EDEM1: variants seen among roughly 807,000 people sequenced by gnomAD.
EDEM1 encodes the protein ER degradation-enhancing alpha-mannosidase-like protein 1.
EDEM1 carries 67 observed loss-of-function variants against 74.4 expected under a neutral mutation model. The observed-to-expected ratio is 0.90, with a 90% CI of 0.74 to 1.10. The LOEUF is 1.10. Ranked by LOEUF, EDEM1 falls within the 50% of genes least tolerant of loss-of-function variation. The pLI, the probability that EDEM1 is intolerant of heterozygous loss-of-function variation, is 0.00. For missense variants in EDEM1, 926 were observed against 851.6 expected, an observed-to-expected ratio of 1.09 and a Z score of -1.09; for synonymous variants, 382 against 335.9, an observed-to-expected ratio of 1.14 and a Z score of -1.50.
rs569030266 is a variant in EDEM1, at chr3:5,217,774, C to G, written c.*1856C>G. Reference sequence around the variant, plus strand: ...TATATATATATTTTAAATGTTTTCACTGACTCATTGAAAATGTTAATTACA... The same window carrying G: ...TATATATATATTTTAAATGTTTTCAGTGACTCATTGAAAATGTTAATTACA... On this transcript the variant is annotated 3_prime_UTR_variant, in exon 12 of 12. Coordinates refer to ENST00000256497, the MANE Select transcript of EDEM1 (RefSeq NM_014674.3). The G allele has an allele frequency of 4.6e-5, 7 of 152,190 alleles. No homozygotes were observed. The East Asian group carries it at 1.4e-3, about 29-fold the overall frequency. 9.4% of individuals were successfully genotyped at this position (152,190 alleles called of 1,614,324 possible).
chr3:5,203,371 G>A (rs1291682760), intron 5 of EDEM1, among the ~76,000 whole-genome samples: 1 of 152,152 alleles, frequency 6.6e-6, no homozygotes, highest in Non-Finnish European at 1.5e-5. Flanking sequence ...CTTCTGATTC[G>A]GATCCCCTGG....
chr3:5,190,814 C>G (rs1187612851), intron 1 of EDEM1, among the ~76,000 whole-genome samples: 1 of 152,146 alleles, frequency 6.6e-6, no homozygotes, highest in Non-Finnish European at 1.5e-5. Context: ...CAGTGGAAAA[C>G]TTAATTTTTT....
chr3:5,207,790 G>C (rs1197103452), intron 7 of EDEM1, among the ~76,000 whole-genome samples: 2 of 152,230 alleles, frequency 1.3e-5, no homozygotes, highest in African/African-American at 4.8e-5. Context: ...TTACTGGCAT[G>C]AGGCACTGTG....
At chr3:5,213,901 A>G (rs1575593035) in intron 11 of EDEM1, among the ~76,000 whole-genome samples, 1 of 152,186 alleles carries the variant, frequency 6.6e-6, no homozygotes, top group East Asian at 1.9e-4. Context: ...CTGCTGGAGC[A>G]TCTTCTTGGC....
rs752072211 is a variant in EDEM1, at chr3:5,199,620, A to C, written c.611A>C (p.Lys204Thr). The C allele has an allele frequency of 6.8e-6, 11 of 1,613,502 alleles. No homozygotes were observed. In the African/African-American group the frequency reaches 1.2e-4, roughly 18 times the overall value. Reference sequence around the variant, plus strand: ...ATGGGAAATTCATCCGAGTTCCAGAAAGCCGTCAAGTTAGTGATCAACACA... The same window carrying C: ...ATGGGAAATTCATCCGAGTTCCAGACAGCCGTCAAGTTAGTGATCAACACA... ...AIMGNSSEFQ[K>T]AVKLVINTVS... Residue 204 changes from lysine to threonine, a missense_variant, in exon 3 of 12, where the codon AAA becomes ACA. Transcript: ENST00000256497.
rs143490556 is a variant in EDEM1 at position 5,191,725 on chromosome 3, G to T, written c.509+3411G>T. ...GTACATGTGACTTGTTCTTGGGGAGGTATCAGGTAAGGAGTTAACATGAAG... is the reference window on the plus strand; with the variant it reads ...GTACATGTGACTTGTTCTTGGGGAGTTATCAGGTAAGGAGTTAACATGAAG... On this transcript the variant is annotated intron_variant, in intron 1 of 11. Coordinates refer to ENST00000256497, the MANE Select transcript of EDEM1 (RefSeq NM_014674.3). 1.4e-3 allele frequency among the ~76,000 whole-genome samples: 208 copies of T among 152,250 alleles called. 1 individual carries two copies. Among genetic ancestry groups the T allele is most frequent in the African/African-American group, 4.9e-3 (203 of 41,526 alleles).
In EDEM1 at chr3:5,188,188, C is replaced by A; in HGVS notation, c.383C>A (p.Ala128Asp). Residue 128 changes from alanine (A) to aspartate (D), a missense_variant, in exon 1 of 12, where the codon GCC becomes GAC. Ala to Asp is a moderately radical substitution (Grantham distance 126). Coordinates refer to ENST00000256497, the MANE Select transcript of EDEM1 (RefSeq NM_014674.3). ...YSGAFPPQLRAQMRDLARGMF... is the reference protein window; with the variant it reads ...YSGAFPPQLRDQMRDLARGMF... ...GGCGCCTTCCCTCCGCAGCTGCGTG[C>A]CCAGATGCGCGACCTGGCACGGGGC... 6.4e-7 allele frequency: 1 copy of A among 1,572,662 alleles called. No homozygotes were observed. Among genetic ancestry groups the A allele is most frequent in the Non-Finnish European group, 8.6e-7 (1 of 1,161,308 alleles).
chr3:5,210,099 C>A lies in EDEM1; in HGVS notation c.1510-76C>A, dbSNP rs545657306. The A allele has an allele frequency of 5.7e-5, 75 of 1,313,186 alleles. 3 individuals are homozygous for A. The South Asian group carries it at 8.3e-4, about 15-fold the overall frequency. The allele number at this position is 1,313,186 out of a possible 1,614,324, so 81.3% of individuals were successfully genotyped here. On this transcript the variant is annotated intron_variant, in intron 8 of 11. Transcript: ENST00000256497. ...GCGACTCGTCTCCATGGGGAAGCCC[C>A]GCAGTCACCATGATGTTTGTCGATG...
rs917811641 is a variant in EDEM1, at chr3:5,219,845, T to A, written c.*3927T>A. The A allele has an allele frequency of 6.6e-6, 1 of 152,652 alleles. No individual in the cohort carries two copies. The highest frequency in any genetic ancestry group is 2.4e-5 in the African/African-American group (1 of 41,448). 9.5% of individuals were successfully genotyped at this position (152,652 alleles called of 1,614,324 possible). On this transcript the variant is annotated 3_prime_UTR_variant, in exon 12 of 12. Transcript: ENST00000256497. The stretch of plus-strand genomic sequence containing the variant: ...AGAAATGTATTTAAATTAAAAGGGA[T>A]CTTTTTGTAAAAGGACCAAATGTTC...
intron 2 of EDEM1, among the ~76,000 whole-genome samples, chr3:5,195,710 A>G (rs76285125): frequency 0.016 from 2,453 of 152,328 alleles, 69 homozygotes; most frequent in African/African-American, 0.056. Context: ...CCTAGCGCCC[A>G]TCCTTATGTG....
intron 10 of EDEM1, 38 bp from the exon 11 acceptor site, chr3:5,213,281 A>G (rs749237669): frequency 2.1e-5 from 34 of 1,584,630 alleles, no homozygotes; most frequent in South Asian, 1.1e-5. Context: ...CCAGTGTGCT[A>G]CAATTATTGG....
Position 5,205,182 on chromosome 3 carries a change from A to C in EDEM1, c.1158A>C (p.Lys386Asn). 1 of 1,614,218 alleles carries C rather than the reference A, an allele frequency of 6.2e-7. No individual in the cohort carries two copies. Among genetic ancestry groups the C allele is most frequent in the South Asian group, 1.1e-5 (1 of 91,088 alleles). The change falls in exon 6 of 12, where the codon AAA becomes AAC. Residue 386 changes from lysine to asparagine, a missense_variant. By Grantham distance (94) the Lys-to-Asn change is moderately conservative. Coordinates refer to ENST00000256497, the MANE Select transcript of EDEM1 (RefSeq NM_014674.3). ...AATCTTACATTCTCTTTGGAGAAAA[A>C]GAAGACCTAGAAATGTTTAATGCTG... Reference protein sequence around the residue: ...LLKSYILFGEKEDLEMFNAAY... With the variant: ...LLKSYILFGENEDLEMFNAAY...
chr3:5,206,221 T>C lies in EDEM1; in HGVS notation c.1218-932T>C, dbSNP rs538990082. Among the ~76,000 whole-genome samples, 208 of 151,932 alleles carry C rather than the reference T, an allele frequency of 1.4e-3. 1 individual carries two copies. The highest frequency in any genetic ancestry group is 4.9e-3 in the African/African-American group (203 of 41,402). ...TTTCCCAGATCTTTCTTTTTTTTTT[T>C]TTTTGAGTCAGAGTCTTGCTCTGTC... On this transcript the variant is annotated intron_variant, in intron 6 of 11. Coordinates refer to ENST00000256497, the MANE Select transcript of EDEM1 (RefSeq NM_014674.3).
intron 2 of EDEM1, among the ~76,000 whole-genome samples, chr3:5,198,211 C>CTAATTTTTTG (rs756238432): frequency 2.0e-5 from 3 of 152,046 alleles, no homozygotes; most frequent in Non-Finnish European, 4.4e-5. Flanking sequence ...CCACGCCTGG[C>CTAATTTTTTG]TAATTTTTTG....
chr3:5,206,102 A>G (rs941395808), intron 6 of EDEM1, among the ~76,000 whole-genome samples: 7 of 152,040 alleles, frequency 4.6e-5, no homozygotes, highest in African/African-American at 1.7e-4. Context: ...GAGTTTGTTT[A>G]AAACATTATT....
chr3:5,192,970 G>A (rs906501107), intron 1 of EDEM1, among the ~76,000 whole-genome samples: 11 of 151,436 alleles, frequency 7.3e-5, no homozygotes, highest in African/African-American at 2.7e-4. Flanking sequence ...TAGTGACTGG[G>A]CATTGTAAAA....
rs374800036 is a variant in EDEM1, at chr3:5,188,369, C to G, written c.509+55C>G. On this transcript the variant is annotated intron_variant, in intron 1 of 11. Transcript: ENST00000256497. Reference sequence around the variant, plus strand: ...CGCCCACGCGCTTCCTTCCGCCCTCCGCGCCGGGGTGCAGCCCTCTGTCCT... The same window carrying G: ...CGCCCACGCGCTTCCTTCCGCCCTCGGCGCCGGGGTGCAGCCCTCTGTCCT... 3,082 of 1,361,800 alleles carry G rather than the reference C, an allele frequency of 2.3e-3. 71 individuals are homozygous for G. Among genetic ancestry groups the G allele is most frequent in the East Asian group, 0.011 (359 of 32,162 alleles). 84.4% of individuals were successfully genotyped at this position (1,361,800 alleles called of 1,614,324 possible).
chr3:5,201,720 A>G, intron 3 of EDEM1, 33 bp from the exon 4 acceptor site: 2 of 1,612,510 alleles, frequency 1.2e-6, no homozygotes, highest in Non-Finnish European at 1.7e-6. Flanking sequence ...AAGCAACACG[A>G]TTGTATTATC....
chr3:5,217,381 C>T lies in EDEM1; in HGVS notation c.*1463C>T, dbSNP rs1366014626. On this transcript the variant is annotated 3_prime_UTR_variant, in exon 12 of 12. Coordinates refer to ENST00000256497, the MANE Select transcript of EDEM1 (RefSeq NM_014674.3). The stretch of plus-strand genomic sequence containing the variant: ...AAAGGTAGGAAATCCCTAAAACTTC[C>T]AGCCTCACATAGCACGGTTCTCACC... The T allele has an allele frequency of 1.3e-5, 2 of 152,628 alleles. No homozygotes were observed. Among genetic ancestry groups the T allele is most frequent in the African/African-American group, 2.4e-5 (1 of 41,436 alleles). The allele number at this position is 152,628 out of a possible 1,614,324, so 9.5% of individuals were successfully genotyped here.
Sources: gnomAD v4.1 joint callset for allele counts (sites outside exome capture counted in the v4.1 genomes callset) on GRCh38, gnomAD v4.1.1 for gene constraint, MANE v1.5 for transcripts, NCBI Gene and HGNC (gene_info 2026-07-23, HGNC 2026-07-21) for gene names.